PRKAR2A: variants seen among roughly 807,000 people sequenced by gnomAD.
PRKAR2A encodes protein kinase cAMP-dependent type II regulatory subunit alpha.
In PRKAR2A, 29 loss-of-function variants were observed where a neutral mutation model predicts 51.9. That is an observed-to-expected ratio of 0.56 (90% CI 0.42 to 0.76). The LOEUF is 0.76. PRKAR2A is among the 30% of genes least tolerant of loss of function. The pLI, the probability that PRKAR2A is intolerant of heterozygous loss-of-function variation, is 0.00. For missense variants in PRKAR2A, 445 were observed against 512.1 expected (o/e 0.87, Z 1.26); for synonymous variants, 178 against 186.2 (o/e 0.96, Z 0.36).
At chr3:48,803,098 G>A (rs891233645) in intron 2 of PRKAR2A, among the ~76,000 whole-genome samples, 1 of 152,160 alleles carries the variant, frequency 6.6e-6, no homozygotes, top group Non-Finnish European at 1.5e-5. Flanking sequence ...GGGAAGGTAT[G>A]AAAGACTTAT....
In PRKAR2A at chr3:48,751,730, A is replaced by G; in HGVS notation, c.1082-12T>C. ...TTGTACATCCATAACTGCATTGTTAAAAAGAGGTGAGGGAGAGAATGAATT... is the reference window on the plus strand; with the variant it reads ...TTGTACATCCATAACTGCATTGTTAGAAAGAGGTGAGGGAGAGAATGAATT... On this transcript the variant is annotated splice_polypyrimidine_tract_variant and intron_variant, in intron 10 of 10. Coordinates refer to ENST00000265563, the MANE Select transcript of PRKAR2A (RefSeq NM_004157.4). The G allele has an allele frequency of 6.2e-7, 1 of 1,603,774 alleles. No individual in the cohort carries two copies. Among genetic ancestry groups the G allele is most frequent in the Non-Finnish European group, 8.5e-7 (1 of 1,172,140 alleles).
chr3:48,764,992 G>C lies in PRKAR2A; in HGVS notation c.873+12C>G, dbSNP rs1213993461. ...ACTTCCAGGAAAGGAGCTGCGTAAA[G>C]CCCTCACTCACCTGAGTGATTATGC... On this transcript the variant is annotated intron_variant, in intron 8 of 10. Coordinates refer to ENST00000265563, the MANE Select transcript of PRKAR2A (RefSeq NM_004157.4). The C allele has an allele frequency of 1.2e-6, 2 of 1,610,226 alleles. No homozygotes were observed. Among genetic ancestry groups the C allele is most frequent in the Non-Finnish European group, 1.7e-6 (2 of 1,176,700 alleles).
Position 48,751,224 on chromosome 3 carries a change from C to G in PRKAR2A, c.*361G>C. 2.2e-6 allele frequency: 1 copy of G among 456,078 alleles called. No individual in the cohort carries two copies. The highest frequency in any genetic ancestry group is 1.6e-5 in the South Asian group (1 of 61,652). 28.3% of individuals were successfully genotyped at this position (456,078 alleles called of 1,614,324 possible). A position where few individuals can be genotyped will look rare whatever the true frequency, so the allele number is the denominator to read the frequency against. On this transcript the variant is annotated 3_prime_UTR_variant, in exon 11 of 11. Coordinates refer to ENST00000265563, the MANE Select transcript of PRKAR2A (RefSeq NM_004157.4). ...GTTTCTGCAGACCCTGTGGTAACTT[C>G]CAAAAGCAAGAGTAGCAGCAAGAGA...
intron 9 of PRKAR2A, among the ~76,000 whole-genome samples, chr3:48,752,703 A>G (rs542930580): frequency 6.6e-6 from 1 of 151,166 alleles, no homozygotes; most frequent in African/African-American, 2.4e-5. Flanking sequence ...CATGCCCCCC[A>G]CATTTTTTTT....
At chr3:48,773,168 G>A in intron 5 of PRKAR2A, 60 bp from the exon 6 acceptor site, 1 of 1,354,210 alleles carries the variant, frequency 7.4e-7, no homozygotes, top group Non-Finnish European at 1.0e-6. Flanking sequence ...GTTAAGAACT[G>A]GCAGGTACAT....
chr3:48,806,039 C>T (rs1364809962), intron 2 of PRKAR2A, among the ~76,000 whole-genome samples: 1 of 152,154 alleles, frequency 6.6e-6, no homozygotes, highest in Non-Finnish European at 1.5e-5. Context: ...AAAAAAGGTG[C>T]AGGGCAGACA....
intron 6 of PRKAR2A, among the ~76,000 whole-genome samples, chr3:48,769,465 T>C (rs1010495421): frequency 5.3e-5 from 8 of 151,724 alleles, no homozygotes; most frequent in African/African-American, 1.9e-4. Flanking sequence ...CCACAACAAA[T>C]ATCTCTTACA....
At chr3:48,813,232 CAAA>C (rs35033928) in intron 1 of PRKAR2A, among the ~76,000 whole-genome samples, 1 of 80,482 alleles carries the variant, frequency 1.2e-5, no homozygotes. Flanking sequence ...CTATCTCTAC[CAAA>C]AAAAAAAAAA....
chr3:48,769,359 G>A (rs1282789327), intron 6 of PRKAR2A, among the ~76,000 whole-genome samples: 6 of 151,614 alleles, frequency 4.0e-5, no homozygotes, highest in South Asian at 2.1e-4. Context: ...GGGTTTCACC[G>A]TGTTAGCCAG....
chr3:48,779,599 G>A (rs936711060), intron 5 of PRKAR2A, among the ~76,000 whole-genome samples: 68 of 151,378 alleles, frequency 4.5e-4, no homozygotes, highest in African/African-American at 1.6e-3. Flanking sequence ...TGGCCAACAC[G>A]GTGAAACCCC....
At chr3:48,768,599 G>C (rs561010165) in intron 6 of PRKAR2A, among the ~76,000 whole-genome samples, 2 of 152,098 alleles carry the variant, frequency 1.3e-5, no homozygotes, top group East Asian at 3.9e-4. Flanking sequence ...TTGGGAGGCT[G>C]AGGCATGAGA....
chr3:48,817,735 A>G (rs1308770634), intron 1 of PRKAR2A, among the ~76,000 whole-genome samples: 1 of 151,344 alleles, frequency 6.6e-6, no homozygotes, highest in Non-Finnish European at 1.5e-5. Flanking sequence ...TGAGGGAGAA[A>G]AGAGAGAGAA....
chr3:48,793,245 A>G (rs375478903), intron 3 of PRKAR2A, among the ~76,000 whole-genome samples: 14 of 152,126 alleles, frequency 9.2e-5, no homozygotes, highest in African/African-American at 3.4e-4. Flanking sequence ...ATTTGAATGT[A>G]CCATAATTTA....
At position 48,750,329 on chromosome 3, in the gene PRKAR2A, C is replaced by T. The variant is rs1219210561; in HGVS notation, c.*1256G>A. 1 of 152,440 alleles carries T rather than the reference C, an allele frequency of 6.6e-6. No individual in the cohort carries two copies. The highest frequency in any genetic ancestry group is 2.4e-5 in the African/African-American group (1 of 41,422). The allele number at this position is 152,440 out of a possible 1,614,324, so 9.4% of individuals were successfully genotyped here. A position where few individuals can be genotyped will look rare whatever the true frequency, so the allele number is the denominator to read the frequency against. On this transcript the variant is annotated 3_prime_UTR_variant, in exon 11 of 11. Coordinates refer to ENST00000265563, the MANE Select transcript of PRKAR2A (RefSeq NM_004157.4). ...GGTGAGCCAAGACCGCACCATTGCA[C>T]TCCAGCCTGGGCAACAAGAGCGAAA...
At position 48,847,358 on chromosome 3, in the gene PRKAR2A, G is replaced by C; in HGVS notation, c.239C>G (p.Ser80Trp). The C allele has an allele frequency of 1.2e-6, 2 of 1,613,506 alleles. No individual in the cohort carries two copies. Among genetic ancestry groups the C allele is most frequent in the Non-Finnish European group, 1.7e-6 (2 of 1,179,694 alleles). ...RVADAKGDSE[S>W]EEDEDLEVPV... is the part of the protein sequence containing the mutation. ...ACCTTCCAAGTCCTCGTCCTCCTCC[G>C]ACTCGCTGTCCCCTTTGGCGTCGGC... The change falls in exon 1 of 11, where the codon TCG (serine) becomes TGG (tryptophan). Residue 80 changes from serine to tryptophan, a missense_variant. Transcript: ENST00000265563. The surrounding 1 kb of genome is among the most constrained non-coding windows in gnomAD (Gnocchi z 4.4).
chr3:48,847,252 G>A lies in PRKAR2A; in HGVS notation c.262+83C>T, dbSNP rs774743897. The stretch of plus-strand genomic sequence containing the variant: ...CCCAGCCTGCGGTCGGCTTGGCTGC[G>A]GCGCGACACCTGGCTCCCTGCCACC... On this transcript the variant is annotated intron_variant, in intron 1 of 10. Transcript: ENST00000265563. The surrounding 1 kb of genome is among the most constrained non-coding windows in gnomAD (Gnocchi z 4.4). The A allele has an allele frequency of 2.5e-5, 37 of 1,496,328 alleles. No homozygotes were observed. The highest frequency in any genetic ancestry group is 3.0e-5 in the Non-Finnish European group (33 of 1,112,266). 92.7% of individuals were successfully genotyped at this position (1,496,328 alleles called of 1,614,324 possible). A position where few individuals can be genotyped will look rare whatever the true frequency, so the allele number is the denominator to read the frequency against.
intron 1 of PRKAR2A, among the ~76,000 whole-genome samples, chr3:48,814,149 G>A (rs1293971179): frequency 6.6e-6 from 1 of 152,090 alleles, no homozygotes; most frequent in East Asian, 1.9e-4. Flanking sequence ...TCAGGAGGCT[G>A]AGGCAGGAAA....
intron 1 of PRKAR2A, among the ~76,000 whole-genome samples, chr3:48,813,391 A>G (rs1256497292): frequency 2.0e-5 from 3 of 151,808 alleles, no homozygotes. Flanking sequence ...CTACAGAGTA[A>G]GATCCTGTCT....
At chr3:48,788,559 C>G (rs761196784) in intron 4 of PRKAR2A, among the ~76,000 whole-genome samples, 8 of 152,122 alleles carry the variant, frequency 5.3e-5, no homozygotes, top group African/African-American at 9.7e-5. Context: ...TTCTCTGTTA[C>G]TATGAACTAA....
Sources: gnomAD v4.1 joint callset for allele counts (sites outside exome capture counted in the v4.1 genomes callset) on GRCh38, gnomAD v4.1.1 for gene constraint, Gnocchi (gnomAD v3.1) non-coding constraint, MANE v1.5 for transcripts, NCBI Gene and HGNC (gene_info 2026-07-23, HGNC 2026-07-21) for gene names.